The following NLN variants were observed in gnomAD, a reference collection of about 807,000 sequenced individuals.
NLN encodes the protein neurolysin, also known as neurolysin, mitochondrial.
NLN carries 64 observed loss-of-function variants against 79.9 expected under a neutral mutation model. That is an observed-to-expected ratio of 0.80 (90% CI 0.65 to 0.99). The LOEUF (loss-of-function observed/expected upper bound fraction) is 0.99, where lower values mean the gene tolerates loss of function less well. Ranked by LOEUF, NLN falls within the 50% of genes least tolerant of loss-of-function variation. The pLI, the probability that NLN is intolerant of heterozygous loss-of-function variation, is 0.00. For synonymous variants in NLN, 267 were observed against 296.6 expected, an observed-to-expected ratio of 0.90 and a Z score of 1.02; for missense variants, 835 against 858.7, an observed-to-expected ratio of 0.97 and a Z score of 0.34.
At chr5:65,740,008 A>G (rs1042310472) in intron 1 of NLN, among the ~76,000 whole-genome samples, 3 of 151,934 alleles carry the variant, frequency 2.0e-5, no homozygotes, top group African/African-American at 4.8e-5. Context: ...ATGTAATCCC[A>G]TTTGTCCACT....
chr5:65,787,159 C>T lies in NLN; in HGVS notation c.959-959C>T, dbSNP rs1320136564. 5.9e-5 allele frequency among the ~76,000 whole-genome samples: 9 copies of T among 151,784 alleles called. No homozygotes were observed. The East Asian group carries it at 1.6e-3, about 26-fold the overall frequency. ...AGTGTCCTCTTGAGAGGCTAAAGTG[C>T]GAGGATCCCTTGAATCTGAGAGTTG... On this transcript the variant is annotated intron_variant, in intron 7 of 12. Coordinates refer to ENST00000380985, the MANE Select transcript of NLN (RefSeq NM_020726.5).
Position 65,781,286 on chromosome 5 carries a change from C to G in NLN, c.687C>G (p.Asp229Glu). The change falls in exon 6 of 13, where the codon GAC (aspartate) becomes GAG (glutamate). Residue 229 changes from aspartate to glutamate, a missense_variant. Transcript: ENST00000380985. ...GTGCTCTTCCTGATGATTTCATTGA[C>G]AGTTTAGAAAAGACAGATGATGACA... ...ELGALPDDFI[D>E]SLEKTDDDKY... 2 of 1,607,108 alleles carry G rather than the reference C, an allele frequency of 1.2e-6. No homozygotes were observed. The highest frequency in any genetic ancestry group is 1.7e-6 in the Non-Finnish European group (2 of 1,176,242).
At chr5:65,775,112 G>A (rs1759652045) in intron 3 of NLN, among the ~76,000 whole-genome samples, 1 of 152,054 alleles carries the variant, frequency 6.6e-6, no homozygotes, top group South Asian at 2.1e-4. Flanking sequence ...ATTTATTTTG[G>A]GAATAAGTAG....
chr5:65,812,472 T>G lies in NLN; in HGVS notation c.1980+81T>G. On this transcript the variant is annotated intron_variant, in intron 12 of 12. Transcript: ENST00000380985. ...CTCCTAGTGTAAAATATTGGTCACA[T>G]CTAGATTTTACTGTAAGAGGCTTGG... The G allele has an allele frequency of 6.2e-6, 6 of 960,850 alleles. 1 individual carries two copies. In the South Asian group the frequency reaches 9.3e-5, roughly 15 times the overall value. 59.5% of individuals were successfully genotyped at this position (960,850 alleles called of 1,614,324 possible). A position where few individuals can be genotyped will look rare whatever the true frequency, so the allele number is the denominator to read the frequency against.
Position 65,810,076 on chromosome 5 carries a change from A to G in NLN, c.1754A>G (p.Asp585Gly), listed in dbSNP as rs1301751487. ...TLRQIVLSKV[D>G]QSLHTNTSLD... ...CGCCAGATTGTTTTGAGCAAAGTTG[A>G]TCAGTCTCTTCATACCAACACATCG... Residue 585 changes from aspartate to glycine, a missense_variant, in exon 11 of 13, where the codon GAT (aspartate) becomes GGT (glycine). Coordinates refer to ENST00000380985, the MANE Select transcript of NLN (RefSeq NM_020726.5). 2.5e-6 allele frequency: 4 copies of G among 1,613,970 alleles called. No individual in the cohort carries two copies. Among genetic ancestry groups the G allele is most frequent in the Non-Finnish European group, 1.7e-6 (2 of 1,179,958 alleles).
chr5:65,749,135 T>G (rs1759049849), intron 1 of NLN, among the ~76,000 whole-genome samples: 1 of 152,238 alleles, frequency 6.6e-6, no homozygotes, highest in Admixed American at 6.5e-5. Context: ...CATGTGGAAC[T>G]GTGAGTCCGT....
intron 6 of NLN, among the ~76,000 whole-genome samples, chr5:65,783,239 A>G (rs1345415927): frequency 6.6e-6 from 1 of 152,192 alleles, no homozygotes; most frequent in Non-Finnish European, 1.5e-5. Flanking sequence ...TGCACAATAG[A>G]ATGAGTATTA....
intron 9 of NLN, among the ~76,000 whole-genome samples, chr5:65,806,741 G>A (rs905363234): frequency 7.2e-5 from 11 of 152,194 alleles, no homozygotes; most frequent in African/African-American, 2.7e-4. Flanking sequence ...GCAGTGGCAG[G>A]TATTGAGATA....
chr5:65,726,475 G>A (rs145120500), intron 1 of NLN, among the ~76,000 whole-genome samples: 33 of 152,276 alleles, frequency 2.2e-4, no homozygotes, highest in African/African-American at 6.5e-4. Context: ...CAGTGCAAAT[G>A]TTCATAAAGT....
Position 65,810,064 on chromosome 5 carries a change from T to G in NLN, c.1742T>G (p.Leu581Trp), listed in dbSNP as rs769579302. 2 of 1,614,038 alleles carry G rather than the reference T, an allele frequency of 1.2e-6. No individual in the cohort carries two copies. Among genetic ancestry groups the G allele is most frequent in the Non-Finnish European group, 8.5e-7 (1 of 1,180,020 alleles). The change falls in exon 11 of 13, where the codon TTG (leucine) becomes TGG (tryptophan). Residue 581 changes from leucine to tryptophan, a missense_variant. Coordinates refer to ENST00000380985, the MANE Select transcript of NLN (RefSeq NM_020726.5). ...TGLLTLRQIVLSKVDQSLHTN... is the reference protein window; with the variant it reads ...TGLLTLRQIVWSKVDQSLHTN... ...CTTCTGACCCTGCGCCAGATTGTTT[T>G]GAGCAAAGTTGATCAGTCTCTTCAT...
chr5:65,761,684 C>A (rs1759344224), intron 2 of NLN, among the ~76,000 whole-genome samples: 2 of 152,284 alleles, frequency 1.3e-5, no homozygotes, highest in African/African-American at 4.8e-5. Context: ...CTATTCCATT[C>A]TTTCCTTAAC....
chr5:65,811,815 C>G (rs1249566533), intron 11 of NLN, among the ~76,000 whole-genome samples: 1 of 152,092 alleles, frequency 6.6e-6, no homozygotes, highest in Non-Finnish European at 1.5e-5. Flanking sequence ...GAGTGAAACT[C>G]TGTCTCAAAA....
At chr5:65,748,088 C>A (rs1759023422) in intron 1 of NLN, among the ~76,000 whole-genome samples, 1 of 152,216 alleles carries the variant, frequency 6.6e-6, no homozygotes, top group South Asian at 2.1e-4. Flanking sequence ...GTAATCCCAG[C>A]TACTTGGGAG....
Position 65,825,307 on chromosome 5 carries a change from C to A in NLN, c.*2392C>A, listed in dbSNP as rs1327998685. 1 of 151,262 alleles carries A rather than the reference C, an allele frequency of 6.6e-6. No homozygotes were observed. Among genetic ancestry groups the A allele is most frequent in the Non-Finnish European group, 1.5e-5 (1 of 67,942 alleles). The allele number at this position is 151,262 out of a possible 1,614,324, so 9.4% of individuals were successfully genotyped here. On this transcript the variant is annotated 3_prime_UTR_variant, in exon 13 of 13. Transcript: ENST00000380985. The stretch of plus-strand genomic sequence containing the variant: ...GATAACTATGTAAATTGTAATTGGA[C>A]AAATGTACACTTTAGATTTATGGAC...
intron 1 of NLN, among the ~76,000 whole-genome samples, chr5:65,746,842 A>C (rs953040401): frequency 1.5e-4 from 23 of 151,872 alleles, no homozygotes; most frequent in African/African-American, 5.6e-4. Flanking sequence ...GTCTCTACTA[A>C]AAGTACAAAA....
chr5:65,800,199 G>A (rs993605832), intron 9 of NLN, among the ~76,000 whole-genome samples: 2 of 152,204 alleles, frequency 1.3e-5, no homozygotes, highest in Non-Finnish European at 2.9e-5. Flanking sequence ...ACAGTCACAT[G>A]TAAGATTTAG....
In NLN at chr5:65,785,929, T is replaced by G; in HGVS notation, c.958+19T>G. ...TTTCTAGGTTAGTTCTTTTTTTTTT[T>G]TCTATGACTGTTTTGCTATACCATG... On this transcript the variant is annotated intron_variant, in intron 7 of 12. Transcript: ENST00000380985. The G allele has an allele frequency of 6.2e-7, 1 of 1,608,674 alleles. No homozygotes were observed. The highest frequency in any genetic ancestry group is 8.5e-7 in the Non-Finnish European group (1 of 1,177,660).
chr5:65,756,268 A>G (rs771993909), intron 1 of NLN, among the ~76,000 whole-genome samples: 1 of 152,000 alleles, frequency 6.6e-6, no homozygotes, highest in African/African-American at 2.4e-5. Context: ...TTCCTCTTAC[A>G]TGTTCTGTAG....
chr5:65,799,917 TA>T (rs34116295), intron 9 of NLN, among the ~76,000 whole-genome samples: 6 of 150,100 alleles, frequency 4.0e-5, no homozygotes, highest in African/African-American at 4.9e-5. Context: ...GTGGTCACTT[TA>T]AAAAAAAAAT....
Sources: gnomAD v4.1 joint callset for allele counts (sites outside exome capture counted in the v4.1 genomes callset) on GRCh38, gnomAD v4.1.1 for gene constraint, MANE v1.5 for transcripts, NCBI Gene and HGNC (gene_info 2026-07-23, HGNC 2026-07-21) for gene names.